The following NF1 variants were observed in gnomAD, a reference collection of about 807,000 sequenced individuals.
The protein encoded by NF1 is neurofibromin.
NF1 carries 122 observed loss-of-function variants against 325.7 expected under a neutral mutation model. The ratio of observed to expected loss-of-function variants is 0.37; its 90% CI spans 0.32 to 0.44. The LOEUF is 0.44. NF1 is among the 20% of genes least tolerant of loss of function. The probability of loss-of-function intolerance (pLI) is 1.00; values close to 1 mark genes in which losing one functional copy is unlikely to be tolerated. For missense variants in NF1, 2,140 were observed against 3,415.4 expected, an observed-to-expected ratio of 0.63 and a Z score of 9.31; for synonymous variants, 1,091 against 1,186.0, an observed-to-expected ratio of 0.92 and a Z score of 1.65.
chr17:31,338,805 G>C lies in NF1; in HGVS notation c.6921G>C (p.Lys2307Asn), dbSNP rs1057523533. The C allele has an allele frequency of 6.3e-7, 1 of 1,582,912 alleles. No homozygotes were observed. Among genetic ancestry groups the C allele is most frequent in the East Asian group, 2.2e-5 (1 of 44,604 alleles). ...ALTKLQPLLN[K>N]DSPLHKALFW... ...CCAAATTACAGCCACTTCTTAATAAGGTAATTACTGTATAGAAAATGAGTG... is the reference window on the plus strand; with the variant it reads ...CCAAATTACAGCCACTTCTTAATAACGTAATTACTGTATAGAAAATGAGTG... Residue 2307 changes from lysine to asparagine, a missense_variant and splice_region_variant, in exon 46 of 58, where the codon AAG (lysine) becomes AAC (asparagine). Lys to Asn is a moderately conservative substitution (Grantham distance 94, BLOSUM62 0). This residue lies in a region of NF1 where 522 missense variants were observed against 749.0 expected (regional missense o/e 0.70). Coordinates refer to ENST00000358273, the MANE Select transcript of NF1 (RefSeq NM_001042492.3).
At chr17:31,202,251 A>G (rs1422227612) in intron 11 of NF1, among the ~76,000 whole-genome samples, 1 of 152,192 alleles carries the variant, frequency 6.6e-6, no homozygotes, top group African/African-American at 2.4e-5. Flanking sequence ...ATCAAATGAT[A>G]CTCACATTTA....
intron 36 of NF1, among the ~76,000 whole-genome samples, chr17:31,297,764 T>G (rs1389390860): frequency 1.3e-5 from 2 of 152,178 alleles, no homozygotes; most frequent in Non-Finnish European, 2.9e-5. Flanking sequence ...TGGTGATTAT[T>G]ATGTTTAATC....
chr17:31,340,736 G>A (rs2069798424), intron 47 of NF1, 91 bp downstream of exon 47: 1 of 1,328,358 alleles, frequency 7.5e-7, no homozygotes. Flanking sequence ...ATCACAAGAA[G>A]TCCATAACTT....
chr17:31,330,674 G>A (rs922247271), intron 39 of NF1, 176 bp downstream of exon 39: 3 of 601,890 alleles, frequency 5.0e-6, no homozygotes, highest in Middle Eastern at 4.4e-4. Context: ...GAACTTTTTG[G>A]TAGGCCACAT....
intron 27 of NF1, among the ~76,000 whole-genome samples, chr17:31,234,455 C>T (rs2067165858): frequency 1.3e-5 from 2 of 151,974 alleles, no homozygotes; most frequent in Admixed American, 1.3e-4. Flanking sequence ...GGGAGGATCA[C>T]AAGGTCGGGA....
intron 36 of NF1, among the ~76,000 whole-genome samples, chr17:31,317,112 T>C (rs1303428792): frequency 1.3e-5 from 2 of 152,204 alleles, no homozygotes; most frequent in South Asian, 4.1e-4. Context: ...AAAAAACATA[T>C]AAAAAATATT....
At chr17:31,255,465 G>C (rs1291352085) in intron 31 of NF1, among the ~76,000 whole-genome samples, 1 of 152,002 alleles carries the variant, frequency 6.6e-6, no homozygotes, top group African/African-American at 2.4e-5. Flanking sequence ...AACTTGTTAT[G>C]TAGCATTTTT....
At chr17:31,370,880 T>G (rs2070623368) in intron 57 of NF1, among the ~76,000 whole-genome samples, 2 of 152,186 alleles carry the variant, frequency 1.3e-5, no homozygotes, top group South Asian at 4.1e-4. Context: ...GTCCTAGTTT[T>G]GCCTGAATCT....
chr17:31,272,342 T>G (rs1049195913), intron 36 of NF1: 3 of 152,274 alleles, frequency 2.0e-5, no homozygotes, highest in Admixed American at 6.5e-5. Context: ...AGTGTTCATA[T>G]TCATAGTTGT....
At position 31,331,283 on chromosome 17, in the gene NF1, A is replaced by G. The variant is rs2069479378; in HGVS notation, c.5812+785A>G. 3 of 152,100 alleles carry G rather than the reference A, an allele frequency of 2.0e-5. No individual in the cohort carries two copies. The South Asian group carries it at 6.2e-4, about 31-fold the overall frequency. The allele number at this position is 152,100 out of a possible 1,614,324, so 9.4% of individuals were successfully genotyped here. ...AACAAGAAAAGTATAAACTTTATTCATAAATATTAATATGAGAGAAGATTT... is the reference window on the plus strand; with the variant it reads ...AACAAGAAAAGTATAAACTTTATTCGTAAATATTAATATGAGAGAAGATTT... On this transcript the variant is annotated intron_variant, in intron 39 of 57. Coordinates refer to ENST00000358273, the MANE Select transcript of NF1 (RefSeq NM_001042492.3).
At chr17:31,253,627 A>G (rs2067530735) in intron 31 of NF1, 1 of 152,438 alleles carries the variant, frequency 6.6e-6, no homozygotes, top group East Asian at 1.9e-4. Flanking sequence ...AACTGAGTTC[A>G]TATTTGTAGA....
chr17:31,130,854 A>G (rs1033404722), intron 1 of NF1, among the ~76,000 whole-genome samples: 7 of 152,186 alleles, frequency 4.6e-5, no homozygotes, highest in African/African-American at 1.7e-4. Flanking sequence ...CCTGCAGGCA[A>G]AGCAGCATGG....
At position 31,343,110 on chromosome 17, in the gene NF1, T is replaced by C. The variant is rs786203400; in HGVS notation, c.7164T>C (p.Phe2388=). The change falls in exon 48 of 58, where the codon TTT becomes TTC. Residue 2388 remains phenylalanine, a synonymous_variant. Transcript: ENST00000358273. Reference sequence around the variant, plus strand: ...TCAATTTCAACTCTAACTTTAACTTTGCATTGGTTGGACACCTTTTAAAAG... The same window carrying C: ...TCAATTTCAACTCTAACTTTAACTTCGCATTGGTTGGACACCTTTTAAAAG... The part of the protein sequence containing the change: ...VGLNFNSNFN[F]ALVGHLLKGY... The C allele has an allele frequency of 1.2e-6, 2 of 1,613,982 alleles. No homozygotes were observed. Among genetic ancestry groups the C allele is most frequent in the Non-Finnish European group, 1.7e-6 (2 of 1,179,852 alleles).
intron 36 of NF1, among the ~76,000 whole-genome samples, chr17:31,287,542 C>CTGTGTGTG (rs59906241): frequency 0.059 from 8,607 of 145,460 alleles, 537 homozygotes; most frequent in African/African-American, 0.16. Flanking sequence ...TCATTCATAA[C>CTGTGTGTG]TGTGTGTGTG....
chr17:31,246,497 A>G (rs2067393763), intron 29 of NF1, among the ~76,000 whole-genome samples: 1 of 152,268 alleles, frequency 6.6e-6, no homozygotes, highest in Non-Finnish European at 1.5e-5. Context: ...TGTTAAAAAC[A>G]AATATTTACT....
At chr17:31,349,088 T>G in intron 48 of NF1, 32 bp from the exon 49 acceptor site, 1 of 1,477,932 alleles carries the variant, frequency 6.8e-7, no homozygotes, top group Non-Finnish European at 9.0e-7. Context: ...AATTCTTACT[T>G]GTTTGTTTGT....
At chr17:31,252,216 T>A (rs1179016731) in intron 30 of NF1, 1 of 211,526 alleles carries the variant, frequency 4.7e-6, no homozygotes, top group Non-Finnish European at 9.6e-6. Context: ...TGTAATTTTC[T>A]CTGCAGTTTC....
At chr17:31,273,314 TAA>T (rs1308731144) in intron 36 of NF1, among the ~76,000 whole-genome samples, 2 of 152,040 alleles carry the variant, frequency 1.3e-5, no homozygotes, top group Admixed American at 1.3e-4. Context: ...TTTTCTTCAT[TAA>T]CAACAACAAC....
At chr17:31,182,803 T>C in intron 8 of NF1, 138 bp downstream of exon 8, 4 of 835,790 alleles carry the variant, frequency 4.8e-6, no homozygotes, top group Non-Finnish European at 5.8e-6. Context: ...GGTTTCTTTG[T>C]TTGATGGACT....
Sources: allele counts gnomAD v4.1 joint callset (sites outside exome capture counted in the v4.1 genomes callset), GRCh38; gene constraint gnomAD v4.1.1; regional missense constraint gnomAD v4.1.1; transcripts MANE v1.5; gene names NCBI Gene and HGNC (gene_info 2026-07-23, HGNC 2026-07-21).